ACVR1: variants seen among roughly 807,000 people sequenced by gnomAD.
ACVR1 encodes the protein activin A receptor type 1.
In ACVR1, 38 loss-of-function variants were observed where a neutral mutation model predicts 57.1. The observed-to-expected ratio is 0.67, with a 90% CI of 0.51 to 0.87. The LOEUF (loss-of-function observed/expected upper bound fraction) is 0.87, where lower values mean the gene tolerates loss of function less well. Among genes scored for constraint, ACVR1 ranks in the 40% least tolerant of loss-of-function variants. ACVR1 has a pLI of 0.00. For missense variants in ACVR1, 463 were observed against 638.2 expected (o/e 0.73, Z 2.96); for synonymous variants, 212 against 228.1 (o/e 0.93, Z 0.63).
intron 1 of ACVR1, among the ~76,000 whole-genome samples, chr2:157,821,481 G>A (rs1251810701): frequency 6.6e-6 from 1 of 151,922 alleles, no homozygotes; most frequent in African/African-American, 2.4e-5. Flanking sequence ...GCCAAGATCA[G>A]CGCCACTGCA....
At chr2:157,763,423 TAAA>T in intron 8 of ACVR1, among the ~76,000 whole-genome samples, 1 of 152,108 alleles carries the variant, frequency 6.6e-6, no homozygotes, top group Middle Eastern at 3.2e-3. Flanking sequence ...TTTTTAATAA[TAAA>T]AAGAAAAACA....
chr2:157,861,152 C>T (rs1689705430), intron 1 of ACVR1, among the ~76,000 whole-genome samples: 1 of 152,162 alleles, frequency 6.6e-6, no homozygotes, highest in South Asian at 2.1e-4. Flanking sequence ...ACTGTACATC[C>T]CAATTTTATG....
intron 2 of ACVR1, among the ~76,000 whole-genome samples, chr2:157,807,734 C>T (rs1012902965): frequency 6.6e-5 from 10 of 151,998 alleles, no homozygotes; most frequent in African/African-American, 2.2e-4. Flanking sequence ...CCTGACGTTT[C>T]CCCTCTAACC....
At chr2:157,761,104 T>A in intron 8 of ACVR1, 27 bp from the exon 9 acceptor site, 1 of 1,610,322 alleles carries the variant, frequency 6.2e-7, no homozygotes, top group Non-Finnish European at 8.5e-7. Context: ...AACAATGTAA[T>A]CAACCCACTT....
intron 1 of ACVR1, among the ~76,000 whole-genome samples, chr2:157,833,729 A>T (rs1688669281): frequency 6.6e-6 from 1 of 152,146 alleles, no homozygotes; most frequent in South Asian, 2.1e-4. Context: ...CCAAGAGGGA[A>T]ATGATAATCT....
intron 9 of ACVR1, among the ~76,000 whole-genome samples, chr2:157,745,019 C>A (rs529579244): frequency 6.6e-6 from 1 of 152,350 alleles, no homozygotes; most frequent in Admixed American, 6.5e-5. Context: ...CATTGTAATT[C>A]ATGGGCTTAC....
chr2:157,862,171 T>C lies in ACVR1; in HGVS notation c.-183+13625A>G, dbSNP rs565596565. Among the ~76,000 whole-genome samples, 192 of 152,320 alleles carry C rather than the reference T, an allele frequency of 1.3e-3. 1 individual carries two copies. Among genetic ancestry groups the C allele is most frequent in the African/African-American group, 4.4e-3 (185 of 41,578 alleles). Reference sequence around the variant, plus strand: ...TAGGATTATTTCCTACCAATCTTTTTTTTCTCTACATCCATATATATACGT... The same window carrying C: ...TAGGATTATTTCCTACCAATCTTTTCTTTCTCTACATCCATATATATACGT... On this transcript the variant is annotated intron_variant, in intron 1 of 10. Transcript: ENST00000434821.
In ACVR1 at chr2:157,760,351, A is replaced by G. The variant is rs145277057; in HGVS notation, c.1264+529T>C. Reference sequence around the variant, plus strand: ...GAGACGTTGGTTAATGGCTATAAACATAAGAGCTGGATGGAAAAAATAGGT... The same window carrying G: ...GAGACGTTGGTTAATGGCTATAAACGTAAGAGCTGGATGGAAAAAATAGGT... On this transcript the variant is annotated intron_variant, in intron 9 of 10. Coordinates refer to ENST00000434821, the MANE Select transcript of ACVR1 (RefSeq NM_001111067.4). Among the ~76,000 whole-genome samples the G allele has an allele frequency of 2.6e-5, 4 of 152,300 alleles. No individual in the cohort carries two copies. The East Asian group carries it at 5.8e-4, about 22-fold the overall frequency.
At chr2:157,780,674 G>A in intron 3 of ACVR1, 74 bp from the exon 4 acceptor site, 1 of 1,550,618 alleles carries the variant, frequency 6.4e-7, no homozygotes, top group Non-Finnish European at 8.8e-7. Flanking sequence ...TTCATTGAGG[G>A]AATGACCATT....
At chr2:157,874,184 T>C (rs1690201915) in intron 1 of ACVR1, among the ~76,000 whole-genome samples, 2 of 152,228 alleles carry the variant, frequency 1.3e-5, no homozygotes, top group Non-Finnish European at 2.9e-5. Context: ...AGTACCTGCA[T>C]AAGGGGTAAT....
chr2:157,807,942 C>G (rs1156564488), intron 2 of ACVR1, among the ~76,000 whole-genome samples: 1 of 150,364 alleles, frequency 6.7e-6, no homozygotes, highest in African/African-American at 2.4e-5. Flanking sequence ...CTCCCTCTCT[C>G]TCTCTGTCTT....
chr2:157,774,854 A>T (rs1332096615), intron 5 of ACVR1, among the ~76,000 whole-genome samples: 1 of 152,010 alleles, frequency 6.6e-6, no homozygotes, highest in Non-Finnish European at 1.5e-5. Flanking sequence ...ATCTCAAGGA[A>T]AGCAGTAGAG....
At chr2:157,751,081 G>A (rs1489495097) in intron 9 of ACVR1, among the ~76,000 whole-genome samples, 1 of 152,130 alleles carries the variant, frequency 6.6e-6, no homozygotes, top group Non-Finnish European at 1.5e-5. Context: ...TGAAGGAAGT[G>A]GACTGCTCCT....
At chr2:157,828,098 G>A (rs1039223368) in intron 1 of ACVR1, among the ~76,000 whole-genome samples, 1 of 152,008 alleles carries the variant, frequency 6.6e-6, no homozygotes. Flanking sequence ...CGAGGTAGGC[G>A]GATTGCTTGA....
At chr2:157,749,805 G>A (rs1403618943) in intron 9 of ACVR1, among the ~76,000 whole-genome samples, 1 of 152,190 alleles carries the variant, frequency 6.6e-6, no homozygotes, top group Non-Finnish European at 1.5e-5. Context: ...GTCACCACTT[G>A]CAGTGCCTAA....
intron 2 of ACVR1, among the ~76,000 whole-genome samples, chr2:157,810,117 C>T (rs929695761): frequency 3.3e-5 from 5 of 152,108 alleles, no homozygotes; most frequent in African/African-American, 1.2e-4. Context: ...AAACAAAGAC[C>T]CCAAGGCAGT....
At chr2:157,756,264 A>T (rs1685422676) in intron 9 of ACVR1, among the ~76,000 whole-genome samples, 1 of 152,150 alleles carries the variant, frequency 6.6e-6, no homozygotes. Context: ...AAAAGACTTC[A>T]TCACCAAGAA....
intron 8 of ACVR1, among the ~76,000 whole-genome samples, chr2:157,764,947 A>T (rs1406482631): frequency 6.6e-6 from 1 of 152,192 alleles, no homozygotes; most frequent in Non-Finnish European, 1.5e-5. Context: ...CCTTATGTTT[A>T]AAAACAAACA....
At chr2:157,741,757 G>C (rs182274167) in intron 9 of ACVR1, among the ~76,000 whole-genome samples, 33 of 152,226 alleles carry the variant, frequency 2.2e-4, no homozygotes, top group Admixed American at 1.6e-3. Context: ...GAAGACAGTG[G>C]GGAGGGACAG....
Sources: gnomAD v4.1 joint callset for allele counts (sites outside exome capture counted in the v4.1 genomes callset) on GRCh38, gnomAD v4.1.1 for gene constraint, MANE v1.5 for transcripts, NCBI Gene and HGNC (gene_info 2026-07-23, HGNC 2026-07-21) for gene names.